The following TAOK1 variants were observed in gnomAD, a reference collection of about 807,000 sequenced individuals.
TAOK1 encodes the protein TAO kinase 1.
A neutral mutation model predicts 138.3 loss-of-function variants in TAOK1; 21 were observed. The ratio of observed to expected loss-of-function variants is 0.15; its 90% CI spans 0.11 to 0.22. The LOEUF (loss-of-function observed/expected upper bound fraction) is 0.22, where lower values mean the gene tolerates loss of function less well. TAOK1 is among the 10% of genes least tolerant of loss of function. TAOK1 has a pLI of 1.00. For synonymous variants in TAOK1, 361 were observed against 398.4 expected (o/e 0.91, Z 1.12); for missense variants, 651 against 1,227.7 (o/e 0.53, Z 7.02).
At chr17:29,395,966 C>A (rs1904588430) in intron 1 of TAOK1, among the ~76,000 whole-genome samples, 4 of 151,518 alleles carry the variant, frequency 2.6e-5, no homozygotes, top group Non-Finnish European at 5.9e-5. Context: ...CTGCACCCGG[C>A]CCGATTTCCG....
intron 15 of TAOK1, chr17:29,513,234 G>A: frequency 6.6e-6 from 1 of 151,906 alleles, no homozygotes; most frequent in East Asian, 1.9e-4. Flanking sequence ...TGTACCTATT[G>A]GTGGCACAAA....
intron 1 of TAOK1, among the ~76,000 whole-genome samples, chr17:29,395,878 G>T (rs1904584710): frequency 8.3e-6 from 1 of 119,930 alleles, no homozygotes; most frequent in South Asian, 2.7e-4. Context: ...ATGTTGCCCA[G>T]GCTGGTCTTG....
intron 12 of TAOK1, among the ~76,000 whole-genome samples, chr17:29,500,454 G>T (rs560759604): frequency 6.6e-6 from 1 of 152,094 alleles, no homozygotes; most frequent in East Asian, 1.9e-4. Context: ...ACAAATTGTG[G>T]TTTATAGGCC....
At chr17:29,397,533 G>A (rs538434083) in intron 1 of TAOK1, among the ~76,000 whole-genome samples, 65 of 149,660 alleles carry the variant, frequency 4.3e-4, no homozygotes, top group Admixed American at 2.7e-3. Context: ...AACTCAGCAG[G>A]CGGAGGTTGC....
At chr17:29,419,492 A>AT (rs34608877) in intron 1 of TAOK1, among the ~76,000 whole-genome samples, 47,315 of 137,682 alleles carry the variant, frequency 0.34, 8,421 homozygotes, top group Middle Eastern at 0.43. Context: ...GCCCGGCAGT[A>AT]TTTTTTTTTT....
intron 14 of TAOK1, among the ~76,000 whole-genome samples, chr17:29,508,997 GCTACC>G (rs1173490999): frequency 6.6e-6 from 1 of 151,922 alleles, no homozygotes; most frequent in African/African-American, 2.4e-5. Flanking sequence ...ATTTATCATA[GCTACC>G]CTCTTCTCCC....
chr17:29,461,547 A>G (rs2030532013), intron 2 of TAOK1, among the ~76,000 whole-genome samples: 1 of 152,188 alleles, frequency 6.6e-6, no homozygotes, highest in Non-Finnish European at 1.5e-5. Flanking sequence ...CTCCTAAACT[A>G]AGGACAGTTT....
At chr17:29,503,374 C>T (rs983235508) in intron 13 of TAOK1, among the ~76,000 whole-genome samples, 3 of 118,524 alleles carry the variant, frequency 2.5e-5, no homozygotes, top group Admixed American at 1.2e-4. Context: ...CCATCCTGGG[C>T]GACAGAGCAA....
At chr17:29,506,807 C>T (rs1009607502) in intron 13 of TAOK1, among the ~76,000 whole-genome samples, 1 of 152,116 alleles carries the variant, frequency 6.6e-6, no homozygotes, top group Non-Finnish European at 1.5e-5. Flanking sequence ...CACACAGTCA[C>T]AGCAGCAGTT....
intron 1 of TAOK1, among the ~76,000 whole-genome samples, chr17:29,425,686 CA>C (rs34843825): frequency 0.38 from 57,947 of 151,578 alleles, 11,884 homozygotes; most frequent in East Asian, 0.88. Context: ...AACAAACAAA[CA>C]AAAAAACCAA....
intron 18 of TAOK1, 97 bp downstream of exon 18, chr17:29,530,716 T>G: frequency 3.0e-6 from 3 of 1,009,576 alleles, no homozygotes; most frequent in Non-Finnish European, 4.6e-6. Context: ...TTGGAAATGA[T>G]AGCTCTCCTG....
chr17:29,397,371 A>G (rs991556727), intron 1 of TAOK1, among the ~76,000 whole-genome samples: 1 of 151,462 alleles, frequency 6.6e-6, no homozygotes, highest in African/African-American at 2.4e-5. Flanking sequence ...TGGGAGGCCA[A>G]GGTGGGCAGA....
rs886725866 is a variant in TAOK1 at position 29,549,858 on chromosome 17, C to A, written c.*6836C>A. 20 of 152,142 alleles carry A rather than the reference C, an allele frequency of 1.3e-4. No homozygotes were observed. Among genetic ancestry groups the A allele is most frequent in the African/African-American group, 4.3e-4 (18 of 41,420 alleles). The allele number at this position is 152,142 out of a possible 1,614,324, so 9.4% of individuals were successfully genotyped here. ...TCACAATATCAAAGAAACCACCACC[C>A]TTCTTCCTAACAGCATTTTATGCCT... On this transcript the variant is annotated 3_prime_UTR_variant, in exon 20 of 20. Transcript: ENST00000261716.
chr17:29,483,979 G>A (rs1192402805), intron 8 of TAOK1, among the ~76,000 whole-genome samples: 2 of 152,080 alleles, frequency 1.3e-5, no homozygotes, highest in Non-Finnish European at 2.9e-5. Context: ...GCATACATGT[G>A]CCCCTCAGTG....
intron 17 of TAOK1, among the ~76,000 whole-genome samples, chr17:29,526,326 G>T (rs995951564): frequency 6.6e-6 from 1 of 152,096 alleles, no homozygotes; most frequent in African/African-American, 2.4e-5. Context: ...TAAAAGAATG[G>T]ATGCTATTTT....
chr17:29,397,659 T>C (rs1413775822), intron 1 of TAOK1, among the ~76,000 whole-genome samples: 1 of 123,672 alleles, frequency 8.1e-6, no homozygotes, highest in Non-Finnish European at 1.6e-5. Flanking sequence ...TGTATATTCA[T>C]GTATGATACA....
chr17:29,403,835 G>T (rs1904919191), intron 1 of TAOK1: 1 of 152,174 alleles, frequency 6.6e-6, no homozygotes, highest in Non-Finnish European at 1.5e-5. Context: ...CTCCCAAAGT[G>T]CTGGGATTAC....
intron 15 of TAOK1, chr17:29,513,616 G>A (rs1374120511): frequency 6.6e-6 from 1 of 152,190 alleles, no homozygotes; most frequent in Non-Finnish European, 1.5e-5. Flanking sequence ...GAGTCTTGGA[G>A]GGGAGAGTTC....
intron 2 of TAOK1, among the ~76,000 whole-genome samples, chr17:29,453,306 C>T (rs1317723506): frequency 2.6e-5 from 4 of 151,508 alleles, no homozygotes; most frequent in South Asian, 2.1e-4. Flanking sequence ...ACTACAGGCG[C>T]CCACCACCAC....
Sources: allele counts gnomAD v4.1 joint callset (sites outside exome capture counted in the v4.1 genomes callset), GRCh38; gene constraint gnomAD v4.1.1; transcripts MANE v1.5; gene names NCBI Gene and HGNC (gene_info 2026-07-23, HGNC 2026-07-21).